Variants in RANBP17 observed in about 807,000 individuals in gnomAD.
The protein encoded by RANBP17 is ran-binding protein 17.
RANBP17 carries 158 observed loss-of-function variants against 141.2 expected under a neutral mutation model. The ratio of observed to expected loss-of-function variants is 1.12; its 90% CI spans 0.98 to 1.28. The LOEUF is 1.28. Among genes scored for constraint, RANBP17 ranks in the 50% most tolerant of loss-of-function variants. The probability of loss-of-function intolerance (pLI) is 0.00; values close to 1 mark genes in which losing one functional copy is unlikely to be tolerated. For missense variants in RANBP17, 1,438 were observed against 1,290.7 expected, an observed-to-expected ratio of 1.11 and a Z score of -1.75; for synonymous variants, 430 against 450.0, an observed-to-expected ratio of 0.96 and a Z score of 0.56.
intron 14 of RANBP17, among the ~76,000 whole-genome samples, chr5:171,007,875 G>A (rs183553439): frequency 6.6e-6 from 1 of 152,270 alleles, no homozygotes; most frequent in African/African-American, 2.4e-5. Flanking sequence ...GAGGGTGGAA[G>A]TTTGCCCATA....
intron 23 of RANBP17, among the ~76,000 whole-genome samples, chr5:171,242,056 T>G (rs899065473): frequency 6.6e-6 from 1 of 151,982 alleles, no homozygotes; most frequent in Non-Finnish European, 1.5e-5. Context: ...ACTCCTGGGC[T>G]TAAGCAATTC....
chr5:170,931,760 G>A (rs1581173696), intron 12 of RANBP17, among the ~76,000 whole-genome samples: 2 of 152,010 alleles, frequency 1.3e-5, no homozygotes, highest in African/African-American at 2.4e-5. Flanking sequence ...TGTTCCATTG[G>A]TCTATATCTC....
intron 20 of RANBP17, 114 bp from the exon 21 acceptor site, chr5:171,213,517 T>G: frequency 1.4e-6 from 1 of 738,704 alleles, no homozygotes; most frequent in Non-Finnish European, 2.3e-6. Flanking sequence ...AACAAATTAG[T>G]ATAAATATAG....
intron 14 of RANBP17, among the ~76,000 whole-genome samples, chr5:171,014,017 T>G (rs1451115635): frequency 3.3e-5 from 5 of 152,124 alleles, no homozygotes; most frequent in African/African-American, 1.2e-4. Flanking sequence ...GAAACTCTGT[T>G]GTTAAGTCCA....
At chr5:170,968,802 T>G (rs1776781479) in intron 14 of RANBP17, 1 of 447,666 alleles carries the variant, frequency 2.2e-6, no homozygotes, top group South Asian at 1.6e-5. Context: ...CTAGGAAAAT[T>G]AGATGTGTCC....
intron 21 of RANBP17, among the ~76,000 whole-genome samples, chr5:171,217,872 G>A (rs1334647626): frequency 1.3e-5 from 2 of 151,952 alleles, no homozygotes; most frequent in Non-Finnish European, 2.9e-5. Flanking sequence ...TTTTCAAAGG[G>A]TTTTTCATGT....
chr5:170,950,871 A>G (rs1049891747), intron 12 of RANBP17, among the ~76,000 whole-genome samples: 5 of 152,110 alleles, frequency 3.3e-5, no homozygotes, highest in African/African-American at 1.2e-4. Flanking sequence ...TGGTATATAT[A>G]CATAGTAGAA....
At chr5:171,141,522 G>A (rs1406444330) in intron 14 of RANBP17, among the ~76,000 whole-genome samples, 1 of 150,056 alleles carries the variant, frequency 6.7e-6, no homozygotes, top group Non-Finnish European at 1.5e-5. Context: ...GAGGAGAATG[G>A]CGTGAACCTG....
rs1491125081 is a variant in RANBP17, at chr5:171,053,925, A to ATATATATATATT, written c.1710+85548_1710+85549insTATATATATATT. 1.5e-3 allele frequency among the ~76,000 whole-genome samples: 48 copies of ATATATATATATT among 32,408 alleles called. 8 individuals carry two copies. Among genetic ancestry groups the ATATATATATATT allele is most frequent in the Non-Finnish European group, 2.8e-3 (42 of 15,104 alleles). The allele number at this position is 32,408 out of a possible 152,430, so 21.3% of individuals were successfully genotyped here. On this transcript the variant is annotated intron_variant, in intron 14 of 27. Transcript: ENST00000523189. ...TATATATATATATATATATATATAT[A>ATATATATATATT]ATTGCTGTATTTGATGCATATATGC... is the stretch of plus-strand genomic sequence containing the variant.
At chr5:171,247,677 G>C (rs905385724) in intron 24 of RANBP17, among the ~76,000 whole-genome samples, 1 of 152,076 alleles carries the variant, frequency 6.6e-6, no homozygotes, top group African/African-American at 2.4e-5. Flanking sequence ...CAGACACCAA[G>C]CACAGTGTCT....
At chr5:170,953,270 G>A (rs551530746) in intron 12 of RANBP17, among the ~76,000 whole-genome samples, 9 of 152,156 alleles carry the variant, frequency 5.9e-5, no homozygotes, top group African/African-American at 1.7e-4. Context: ...TTTCAGTCAT[G>A]TCTTCATGGT....
intron 14 of RANBP17, among the ~76,000 whole-genome samples, chr5:171,163,068 T>C (rs1273602512): frequency 6.6e-6 from 1 of 152,232 alleles, no homozygotes; most frequent in Non-Finnish European, 1.5e-5. Context: ...CTTTATCAGA[T>C]GCTGTTCCTT....
rs376942312 is a variant in RANBP17, at chr5:171,125,087, G to C, written c.1711-45043G>C. On this transcript the variant is annotated intron_variant, in intron 14 of 27. Coordinates refer to ENST00000523189, the MANE Select transcript of RANBP17 (RefSeq NM_022897.5). ...AGGCGGGCAGATCACCTGAGGTCAG[G>C]AGTTCAAAACCAGCCTGGTCAACAT... is the stretch of plus-strand genomic sequence containing the variant. Among the ~76,000 whole-genome samples the C allele has an allele frequency of 1.4e-4, 22 of 152,202 alleles. No individual in the cohort carries two copies. In the East Asian group the frequency reaches 2.9e-3, roughly 20 times the overall value.
At chr5:170,902,559 T>G (rs111642698) in intron 5 of RANBP17, among the ~76,000 whole-genome samples, 4,089 of 152,286 alleles carry the variant, frequency 0.027, 169 homozygotes, top group African/African-American at 0.093. Context: ...TTTTGTTCCC[T>G]TGTTGGCGAG....
intron 14 of RANBP17, among the ~76,000 whole-genome samples, chr5:171,006,769 G>T (rs978920328): frequency 1.3e-5 from 2 of 151,878 alleles, no homozygotes; most frequent in East Asian, 3.9e-4. Context: ...GAATAGGTCG[G>T]CCTTCTGGCC....
At chr5:171,092,190 GA>G (rs1268271245) in intron 14 of RANBP17, among the ~76,000 whole-genome samples, 32 of 151,968 alleles carry the variant, frequency 2.1e-4, no homozygotes, top group Admixed American at 3.3e-4. Context: ...TAAAACAAAG[GA>G]AAAAAATTTC....
intron 14 of RANBP17, among the ~76,000 whole-genome samples, chr5:171,089,354 C>G (rs1406507477): frequency 6.8e-6 from 1 of 147,524 alleles, no homozygotes; most frequent in African/African-American, 2.5e-5. Flanking sequence ...AACCACTGCT[C>G]TCTTCAAAGC....
intron 1 of RANBP17, among the ~76,000 whole-genome samples, chr5:170,877,217 C>T (rs1253833320): frequency 2.0e-5 from 3 of 152,030 alleles, no homozygotes; most frequent in Non-Finnish European, 4.4e-5. Flanking sequence ...GAAAATCCTG[C>T]AGCACTTTGA....
chr5:170,982,153 C>T (rs1036265297), intron 14 of RANBP17, among the ~76,000 whole-genome samples: 2 of 152,114 alleles, frequency 1.3e-5, no homozygotes, highest in Non-Finnish European at 2.9e-5. Context: ...AGGGTTAAAA[C>T]CCCAAAGCAG....
Sources: gnomAD v4.1 joint callset for allele counts (sites outside exome capture counted in the v4.1 genomes callset) on GRCh38, gnomAD v4.1.1 for gene constraint, MANE v1.5 for transcripts, NCBI Gene and HGNC (gene_info 2026-07-23, HGNC 2026-07-21) for gene names.